Variants in ADCY7 observed in about 807,000 individuals in gnomAD.
The protein encoded by ADCY7 is adenylate cyclase type 7.
A neutral mutation model predicts 120.6 loss-of-function variants in ADCY7; 72 were observed. That is an observed-to-expected ratio of 0.60 (90% confidence interval 0.49 to 0.73). The LOEUF (loss-of-function observed/expected upper bound fraction) is 0.73. Among genes scored for constraint, ADCY7 ranks in the 30% least tolerant of loss-of-function variants. The probability of loss-of-function intolerance (pLI) is 0.00; values close to 1 mark genes in which losing one functional copy is unlikely to be tolerated. For missense variants in ADCY7, 1,227 were observed against 1,486.0 expected, an observed-to-expected ratio of 0.83 and a Z score of 2.87; for synonymous variants, 661 against 628.0, an observed-to-expected ratio of 1.05 and a Z score of -0.78.
At chr16:50,289,334 C>T (rs1239810644) in intron 2 of ADCY7, 1 of 447,298 alleles carries the variant, frequency 2.2e-6, no homozygotes, top group Non-Finnish European at 4.5e-6. Context: ...CTGTGCCCGG[C>T]CTCAGAATCC....
chr16:50,307,224 C>A, intron 15 of ADCY7, 77 bp downstream of exon 15: 1 of 1,441,358 alleles, frequency 6.9e-7, no homozygotes, highest in Non-Finnish European at 9.5e-7. Context: ...CTGCAAGGAG[C>A]TGTGTGATTT....
chr16:50,285,261 C>T (rs2034509448), intron 1 of ADCY7, among the ~76,000 whole-genome samples: 1 of 152,246 alleles, frequency 6.6e-6, no homozygotes, highest in Non-Finnish European at 1.5e-5. Context: ...TGAACAGGTG[C>T]CAAGGCCTGT....
intron 1 of ADCY7, among the ~76,000 whole-genome samples, chr16:50,256,165 T>C (rs2032912769): frequency 6.6e-6 from 1 of 152,162 alleles, no homozygotes; most frequent in East Asian, 1.9e-4. Context: ...AGAAAATATT[T>C]GCAAGCCAAA....
intron 4 of ADCY7, among the ~76,000 whole-genome samples, chr16:50,292,413 C>A (rs1415809399): frequency 3.9e-5 from 6 of 152,260 alleles, no homozygotes; most frequent in Non-Finnish European, 8.8e-5. Context: ...CCTTAGCACG[C>A]ATGCCCCTCG....
upstream of ADCY7, among the ~76,000 whole-genome samples, chr16:50,245,731 C>T (rs1041237068): frequency 6.6e-6 from 1 of 152,142 alleles, no homozygotes; most frequent in Non-Finnish European, 1.5e-5. Context: ...CTTCCAGAAA[C>T]ACGGGCGCTC....
intron 11 of ADCY7, 31 bp from the exon 12 acceptor site, chr16:50,304,894 T>A (rs1324134247): frequency 2.5e-6 from 4 of 1,613,630 alleles, no homozygotes; most frequent in Non-Finnish European, 3.4e-6. Flanking sequence ...TTCTGGGGAA[T>A]GACTGTATCC....
At chr16:50,271,920 G>A (rs1453863299) in intron 1 of ADCY7, among the ~76,000 whole-genome samples, 1 of 152,188 alleles carries the variant, frequency 6.6e-6, no homozygotes, top group Non-Finnish European at 1.5e-5. Flanking sequence ...GGGCCCAAGG[G>A]ACGCCGGGAT....
intron 19 of ADCY7, 136 bp from the exon 20 acceptor site, chr16:50,311,557 G>C: frequency 3.1e-6 from 2 of 643,548 alleles, no homozygotes; most frequent in Admixed American, 2.2e-5. Flanking sequence ...ATACCCCAAA[G>C]TTGTCTTGTT....
intron 14 of ADCY7, 127 bp downstream of exon 14, chr16:50,305,976 A>C: frequency 1.1e-6 from 1 of 896,160 alleles, no homozygotes; most frequent in Non-Finnish European, 1.8e-6. Flanking sequence ...CTGAGAATCC[A>C]CAGCTGCTCC....
chr16:50,258,530 C>CAT (rs5816684), intron 1 of ADCY7, among the ~76,000 whole-genome samples: 149,946 of 151,942 alleles, frequency 0.99, 74,017 homozygotes, highest in East Asian at 1. Flanking sequence ...CTGGGAGGCA[C>CAT]GTGGTCTGGT....
At chr16:50,302,129 TC>T (rs1295562611) in intron 10 of ADCY7, among the ~76,000 whole-genome samples, 2 of 150,312 alleles carry the variant, frequency 1.3e-5, no homozygotes, top group Non-Finnish European at 3.0e-5. Context: ...TGCTCTCCTG[TC>T]CCCCTCACCC....
At chr16:50,284,477 C>T (rs2034463041) in intron 1 of ADCY7, among the ~76,000 whole-genome samples, 1 of 152,244 alleles carries the variant, frequency 6.6e-6, no homozygotes, top group Admixed American at 6.5e-5. Context: ...TGTGTCCACA[C>T]ACTCTCACAC....
chr16:50,307,404 G>A (rs1187255570), intron 15 of ADCY7, among the ~76,000 whole-genome samples: 1 of 152,188 alleles, frequency 6.6e-6, no homozygotes, highest in Non-Finnish European at 1.5e-5. Flanking sequence ...TGGCCTGCAT[G>A]CATTTTGGTT....
intron 7 of ADCY7, 86 bp from the exon 8 acceptor site, chr16:50,298,818 C>T (rs2035525509): frequency 2.0e-6 from 3 of 1,525,898 alleles, no homozygotes; most frequent in Admixed American, 3.8e-5. Flanking sequence ...GAGCCGGGTG[C>T]ACCCTGGAGG....
chr16:50,307,023 ACC>A, intron 14 of ADCY7, 25 bp from the exon 15 acceptor site: 1 of 1,584,458 alleles, frequency 6.3e-7, no homozygotes, highest in Non-Finnish European at 8.6e-7. Flanking sequence ...GCTGGTGGCC[ACC>A]CCTCACAGTC....
At chr16:50,271,602 G>A (rs1195315946) in intron 1 of ADCY7, among the ~76,000 whole-genome samples, 1 of 152,076 alleles carries the variant, frequency 6.6e-6, no homozygotes, top group Non-Finnish European at 1.5e-5. Flanking sequence ...CTCCCAGACC[G>A]GGCCTGACTT....
At chr16:50,310,434 G>GTGGTCTGTTGT (rs2036379448) in intron 18 of ADCY7, 2 of 1,534,714 alleles carry the variant, frequency 1.3e-6, no homozygotes, top group Non-Finnish European at 1.7e-6. Flanking sequence ...GACCTTGACT[G>GTGGTCTGTTGT]TGGTCTGTTG....
intron 20 of ADCY7, 78 bp from the exon 21 acceptor site, chr16:50,311,958 A>C (rs2036510167): frequency 6.3e-7 from 1 of 1,585,448 alleles, no homozygotes; most frequent in East Asian, 2.2e-5. Context: ...AGGGACAGAC[A>C]GACCTGGCTA....
chr16:50,265,921 A>G (rs1412036243), upstream of ADCY7, among the ~76,000 whole-genome samples: 1 of 152,202 alleles, frequency 6.6e-6, no homozygotes, highest in Non-Finnish European at 1.5e-5. Flanking sequence ...CTGGCATAGC[A>G]GAAGGGGTGC....
Sources: allele counts gnomAD v4.1 joint callset (sites outside exome capture counted in the v4.1 genomes callset), GRCh38; gene constraint gnomAD v4.1.1; transcripts MANE v1.5; gene names NCBI Gene and HGNC (gene_info 2026-07-23, HGNC 2026-07-21).